Variants in ANO1 observed in about 807,000 individuals in gnomAD.
ANO1 encodes the protein anoctamin-1.
In ANO1, 59 loss-of-function variants were observed where a neutral mutation model predicts 124.0. The observed-to-expected ratio is 0.48, with a 90% CI of 0.39 to 0.59. The LOEUF is 0.59. Ranked by LOEUF, ANO1 falls within the 20% of genes least tolerant of loss-of-function variation. The probability of loss-of-function intolerance (pLI) is 0.00; values close to 1 mark genes in which losing one functional copy is unlikely to be tolerated. For synonymous variants in ANO1, 529 were observed against 532.0 expected (o/e 0.99, Z 0.08); for missense variants, 1,059 against 1,328.0 (o/e 0.80, Z 3.15).
Position 70,167,287 on chromosome 11 carries a change from C to T in ANO1, c.2097C>T (p.Ser699=), listed in dbSNP as rs1470598660. Residue 699 remains serine (S), a synonymous_variant, in exon 21 of 26, where the codon AGC becomes AGT. Coordinates refer to ENST00000355303, the MANE Select transcript of ANO1 (RefSeq NM_018043.7). The stretch of plus-strand genomic sequence containing the variant: ...GCTACCTGAAGCTGAAGCAGCAGAG[C>T]CCCCCTGACCACGAGGAGTGTGTGA... The part of the protein sequence containing the change: ...LIRYLKLKQQ[S]PPDHEECVKR... 1.9e-6 allele frequency: 3 copies of T among 1,613,962 alleles called. No individual in the cohort carries two copies. Among genetic ancestry groups the T allele is most frequent in the East Asian group, 2.2e-5 (1 of 44,884 alleles).
chr11:70,125,199 TGG>T (rs927958730), intron 9 of ANO1, among the ~76,000 whole-genome samples: 3 of 152,082 alleles, frequency 2.0e-5, no homozygotes, highest in Non-Finnish European at 4.4e-5. Context: ...AAAAGTTAGC[TGG>T]CAGTGATGGT....
intron 2 of ANO1, among the ~76,000 whole-genome samples, chr11:70,089,903 T>C (rs1361670289): frequency 1.3e-5 from 2 of 152,242 alleles, no homozygotes; most frequent in Non-Finnish European, 2.9e-5. Context: ...TCAGGGAAGC[T>C]TGGCGGCCGA....
intron 11 of ANO1, among the ~76,000 whole-genome samples, chr11:70,132,576 G>A (rs1385588930): frequency 1.3e-5 from 2 of 152,210 alleles, no homozygotes; most frequent in Non-Finnish European, 2.9e-5. Context: ...AATCGCCTGG[G>A]GTCACTCAGC....
At chr11:70,140,690 T>C (rs12417704) in intron 11 of ANO1, among the ~76,000 whole-genome samples, 29,075 of 152,128 alleles carry the variant, frequency 0.19, 3,406 homozygotes, top group Middle Eastern at 0.33. Context: ...TGGGGAGATA[T>C]ACTCTGCTAC....
chr11:69,996,990 G>T (rs1554998449), intron 1 of ANO1, among the ~76,000 whole-genome samples: 1 of 152,208 alleles, frequency 6.6e-6, no homozygotes, highest in African/African-American at 2.4e-5. Context: ...AGAGTCACCA[G>T]GCCATGAGAC....
intron 10 of ANO1, among the ~76,000 whole-genome samples, chr11:70,131,555 T>C (rs1189622009): frequency 6.6e-6 from 1 of 152,216 alleles, no homozygotes; most frequent in African/African-American, 2.4e-5. Context: ...CTTGAACCCC[T>C]GACCTCAGGT....
chr11:70,180,724 GGAGA>G (rs1400729029), intron 23 of ANO1, among the ~76,000 whole-genome samples: 1 of 152,004 alleles, frequency 6.6e-6, no homozygotes, highest in Non-Finnish European at 1.5e-5. Context: ...AGAGACAGAG[GGAGA>G]GAAACACAGA....
At chr11:70,023,599 T>A (rs1218051733) in intron 1 of ANO1, among the ~76,000 whole-genome samples, 7 of 152,172 alleles carry the variant, frequency 4.6e-5, no homozygotes, top group African/African-American at 1.7e-4. Context: ...CTTAGGGAAG[T>A]TGGCTTTTGT....
intron 1 of ANO1, among the ~76,000 whole-genome samples, chr11:70,067,323 GTTTTT>G (rs71046572): frequency 7.9e-6 from 1 of 126,536 alleles, no homozygotes; most frequent in African/African-American, 2.9e-5. Context: ...AATCGTGGGT[GTTTTT>G]TTTTTTTTTT....
chr11:70,062,537 C>T (rs1238365326), intron 1 of ANO1, among the ~76,000 whole-genome samples: 1 of 152,188 alleles, frequency 6.6e-6, no homozygotes, highest in Non-Finnish European at 1.5e-5. Context: ...ATGTTTTGAA[C>T]GGACCATGCT....
chr11:70,165,375 G>A (rs765692099), intron 19 of ANO1, 95 bp from the exon 20 acceptor site: 50 of 1,056,626 alleles, frequency 4.7e-5, no homozygotes, highest in Non-Finnish European at 6.6e-5. Context: ...GGAGGACGCA[G>A]GTCAACCCAC....
In ANO1 at chr11:70,182,507, C is replaced by T. The variant is rs755573888; in HGVS notation, c.2409C>T (p.Phe803=). The T allele has an allele frequency of 6.3e-6, 10 of 1,577,676 alleles. No homozygotes were observed. The highest frequency in any genetic ancestry group is 2.4e-5 in the South Asian group (2 of 84,888). ...CTGCCATGTCCCCTGCACAGGCCTT[C>T]GTGATCTCCTTCACGTCTGACTTCA... The part of the protein sequence containing the change: ...IGKLAVIINA[F]VISFTSDFIP... Residue 803 remains phenylalanine, a synonymous_variant, in exon 24 of 26, where the codon TTC becomes TTT. Transcript: ENST00000355303.
chr11:70,184,004 C>T (rs1396350161), intron 24 of ANO1, among the ~76,000 whole-genome samples: 1 of 152,182 alleles, frequency 6.6e-6, no homozygotes, highest in Non-Finnish European at 1.5e-5. Flanking sequence ...TGGGCGAGCA[C>T]CAGGGATGTG....
At chr11:70,110,633 C>G (rs911625102) in intron 6 of ANO1, among the ~76,000 whole-genome samples, 1 of 151,994 alleles carries the variant, frequency 6.6e-6, no homozygotes, top group Admixed American at 6.6e-5. Context: ...AAGGGGATTT[C>G]GGGAGGTCAT....
At chr11:70,062,203 A>G (rs1295620802) in intron 1 of ANO1, among the ~76,000 whole-genome samples, 1 of 149,856 alleles carries the variant, frequency 6.7e-6, no homozygotes, top group Non-Finnish European at 1.5e-5. Context: ...CAGCCTCCCA[A>G]GTAGCTGGAA....
intron 8 of ANO1, among the ~76,000 whole-genome samples, chr11:70,118,584 G>GGATA (rs2135443972): frequency 6.8e-6 from 1 of 147,084 alleles, no homozygotes; most frequent in Non-Finnish European, 1.5e-5. Context: ...ATAGATGGAT[G>GGATA]GATGGATGGA....
chr11:70,053,546 A>G (rs1857386942), intron 1 of ANO1, among the ~76,000 whole-genome samples: 1 of 152,184 alleles, frequency 6.6e-6, no homozygotes, highest in East Asian at 1.9e-4. Flanking sequence ...TGAGTATTAA[A>G]CCAAACTTAC....
chr11:70,093,241 C>T (rs2044707123), intron 2 of ANO1, among the ~76,000 whole-genome samples: 1 of 148,462 alleles, frequency 6.7e-6, no homozygotes, highest in South Asian at 2.2e-4. Context: ...CCCTCTTTTT[C>T]ACTCTACCCC....
At chr11:69,974,135 A>C in the ANO1 span, among the ~76,000 whole-genome samples, 5 of 151,912 alleles carry the variant, frequency 3.3e-5, no homozygotes, top group African/African-American at 1.2e-4. Context: ...CCTGGCCAAC[A>C]TGGTGAAACT....
Sources: gnomAD v4.1 joint callset for allele counts (sites outside exome capture counted in the v4.1 genomes callset) on GRCh38, gnomAD v4.1.1 for gene constraint, MANE v1.5 for transcripts, NCBI Gene and HGNC (gene_info 2026-07-23, HGNC 2026-07-21) for gene names.